Variants in ARHGAP15 observed in about 807,000 individuals in gnomAD.
ARHGAP15 encodes Rho GTPase activating protein 15.
In ARHGAP15, 51 loss-of-function variants were observed where a neutral mutation model predicts 63.7. The observed-to-expected ratio is 0.80, with a 90% CI of 0.64 to 1.01. The LOEUF is 1.01. Ranked by LOEUF, ARHGAP15 falls within the 50% of genes least tolerant of loss-of-function variation. ARHGAP15 has a pLI of 0.00. For synonymous variants in ARHGAP15, 191 were observed against 193.8 expected, an observed-to-expected ratio of 0.99 and a Z score of 0.12; for missense variants, 560 against 564.6, an observed-to-expected ratio of 0.99 and a Z score of 0.08.
intron 5 of ARHGAP15, among the ~76,000 whole-genome samples, chr2:143,244,976 T>C (rs1471726483): frequency 6.6e-6 from 1 of 152,164 alleles, no homozygotes; most frequent in Non-Finnish European, 1.5e-5. Context: ...AAGGGATTAT[T>C]AAGCAAGACA....
Position 143,563,577 on chromosome 2 carries a change from AG to A in ARHGAP15, c.1003+7093del, listed in dbSNP as rs56054948. Among the ~76,000 whole-genome samples the A allele has an allele frequency of 9.9e-3, 1,502 of 152,324 alleles. 23 individuals carry two copies. The highest frequency in any genetic ancestry group is 0.051 in the East Asian group (264 of 5,182). On this transcript the variant is annotated intron_variant, in intron 11 of 13. Coordinates refer to ENST00000295095, the MANE Select transcript of ARHGAP15 (RefSeq NM_018460.4). Reference sequence around the variant, plus strand: ...GGGAGCGAAGTCTACTGAAATTTAAAGTATTAATTCGGTTGTAGCTTTTCCA... The same window carrying A: ...GGGAGCGAAGTCTACTGAAATTTAAATATTAATTCGGTTGTAGCTTTTCCA...
chr2:143,620,305 C>A (rs559361965), intron 11 of ARHGAP15, among the ~76,000 whole-genome samples: 1 of 152,228 alleles, frequency 6.6e-6, no homozygotes, highest in South Asian at 2.1e-4. Flanking sequence ...CATATTTCCT[C>A]TTCACTCCAT....
intron 6 of ARHGAP15, among the ~76,000 whole-genome samples, chr2:143,372,489 TAAGA>T (rs1242589608): frequency 6.6e-6 from 1 of 151,972 alleles, no homozygotes; most frequent in Non-Finnish European, 1.5e-5. Flanking sequence ...GTAGACAAAT[TAAGA>T]TAGAAAAAGA....
At chr2:143,406,492 A>G (rs947371477) in intron 6 of ARHGAP15, among the ~76,000 whole-genome samples, 6 of 151,856 alleles carry the variant, frequency 4.0e-5, no homozygotes, top group African/African-American at 1.4e-4. Context: ...TGTGTAGACA[A>G]TTGTGTTTAC....
At chr2:143,569,840 T>C (rs1459260491) in intron 11 of ARHGAP15, among the ~76,000 whole-genome samples, 1 of 152,162 alleles carries the variant, frequency 6.6e-6, no homozygotes, top group Non-Finnish European at 1.5e-5. Flanking sequence ...TGGTGGCTGA[T>C]TTGTATGAGG....
chr2:143,317,570 T>C (rs899567708), intron 6 of ARHGAP15, among the ~76,000 whole-genome samples: 3 of 152,230 alleles, frequency 2.0e-5, no homozygotes, highest in African/African-American at 7.2e-5. Context: ...CTGAAATATC[T>C]AGAGTATTAT....
At chr2:143,225,519 T>C (rs1337715902) in intron 4 of ARHGAP15, among the ~76,000 whole-genome samples, 9 of 152,166 alleles carry the variant, frequency 5.9e-5, no homozygotes, top group Non-Finnish European at 4.4e-5. Flanking sequence ...GAGAATGGCA[T>C]GAACCCAGGA....
intron 11 of ARHGAP15, among the ~76,000 whole-genome samples, chr2:143,623,856 T>C (rs559721699): frequency 6.6e-6 from 1 of 152,356 alleles, no homozygotes; most frequent in Middle Eastern, 3.4e-3. Flanking sequence ...TACTGATGCA[T>C]TATGGGAATA....
At chr2:143,485,007 T>A (rs72617092) in intron 8 of ARHGAP15, among the ~76,000 whole-genome samples, 28,752 of 152,184 alleles carry the variant, frequency 0.19, 3,335 homozygotes, top group East Asian at 0.48. Context: ...TGGTCTTGCC[T>A]AAATTACCCT....
chr2:143,377,773 T>C (rs4662202), intron 6 of ARHGAP15, among the ~76,000 whole-genome samples: 98,420 of 151,946 alleles, frequency 0.65, 32,369 homozygotes, highest in African/African-American at 0.75. Context: ...CAGAACTTTT[T>C]TGTTCCTGAT....
intron 6 of ARHGAP15, among the ~76,000 whole-genome samples, chr2:143,357,355 CT>C (rs10682016): frequency 0.013 from 1,869 of 147,302 alleles, 35 homozygotes; most frequent in African/African-American, 0.043. Context: ...TTATGGAAAT[CT>C]TTTTTTTTTT....
chr2:143,359,201 C>G (rs916558242), intron 6 of ARHGAP15, among the ~76,000 whole-genome samples: 3 of 152,068 alleles, frequency 2.0e-5, no homozygotes, highest in Admixed American at 6.5e-5. Context: ...TCCTCATTAT[C>G]TTAGGCAATA....
intron 12 of ARHGAP15, among the ~76,000 whole-genome samples, chr2:143,635,470 C>G (rs576239250): frequency 2.6e-4 from 39 of 152,168 alleles, no homozygotes; most frequent in African/African-American, 9.2e-4. Flanking sequence ...TTCTCCAGCC[C>G]TCCTCTGTCA....
chr2:143,768,263 C>A lies in ARHGAP15; in HGVS notation c.*91C>A. 7.6e-7 allele frequency: 1 copy of A among 1,312,360 alleles called. No homozygotes were observed. Among genetic ancestry groups the A allele is most frequent in the Non-Finnish European group, 1.0e-6 (1 of 970,444 alleles). 81.3% of individuals were successfully genotyped at this position (1,312,360 alleles called of 1,614,324 possible). A position where few individuals can be genotyped will look rare whatever the true frequency, so the allele number is the denominator to read the frequency against. On this transcript the variant is annotated 3_prime_UTR_variant, in exon 14 of 14. Transcript: ENST00000295095. Reference sequence around the variant, plus strand: ...AAACATATTTCTGAAATATTTTTTGCCTTTCAAGCGACAGATGCCTCATTT... The same window carrying A: ...AAACATATTTCTGAAATATTTTTTGACTTTCAAGCGACAGATGCCTCATTT...
At chr2:143,591,521 G>A (rs1293642761) in intron 11 of ARHGAP15, among the ~76,000 whole-genome samples, 1 of 150,970 alleles carries the variant, frequency 6.6e-6, no homozygotes, top group Non-Finnish European at 1.5e-5. Flanking sequence ...AATTTATAAA[G>A]TTTTAATATG....
chr2:143,432,747 T>C (rs1488443954), intron 6 of ARHGAP15, among the ~76,000 whole-genome samples: 2 of 152,058 alleles, frequency 1.3e-5, no homozygotes, highest in African/African-American at 4.8e-5. Flanking sequence ...CTTAAAGATA[T>C]GCATTATTGA....
intron 6 of ARHGAP15, among the ~76,000 whole-genome samples, chr2:143,330,277 T>C (rs932287313): frequency 1.3e-5 from 2 of 151,756 alleles, no homozygotes; most frequent in Non-Finnish European, 2.9e-5. Flanking sequence ...ATAAATAATA[T>C]GGTGTAATGT....
intron 6 of ARHGAP15, among the ~76,000 whole-genome samples, chr2:143,419,388 C>T (rs1336804681): frequency 6.6e-6 from 1 of 151,956 alleles, no homozygotes; most frequent in African/African-American, 2.4e-5. Flanking sequence ...AATTCTATTT[C>T]TAACAATCTC....
chr2:143,528,102 A>G (rs1694360277), intron 10 of ARHGAP15, among the ~76,000 whole-genome samples: 1 of 152,102 alleles, frequency 6.6e-6, no homozygotes, highest in Non-Finnish European at 1.5e-5. Context: ...AACCATCAGC[A>G]ACTACTAAAA....
Sources: gnomAD v4.1 joint callset for allele counts (sites outside exome capture counted in the v4.1 genomes callset) on GRCh38, gnomAD v4.1.1 for gene constraint, MANE v1.5 for transcripts, NCBI Gene and HGNC (gene_info 2026-07-23, HGNC 2026-07-21) for gene names.